The following ZNF536 variants were observed in gnomAD, a reference collection of about 807,000 sequenced individuals.
The protein encoded by ZNF536 is zinc finger protein 536.
In ZNF536, 13 loss-of-function variants were observed where a neutral mutation model predicts 84.5. The ratio of observed to expected loss-of-function variants is 0.15; its 90% confidence interval spans 0.10 to 0.24. The LOEUF is 0.24. ZNF536 is among the 10% of genes least tolerant of loss of function. The pLI is 1.00. For missense variants in ZNF536, 1,536 were observed against 1,747.5 expected, an observed-to-expected ratio of 0.88 and a Z score of 2.16; for synonymous variants, 811 against 742.5, an observed-to-expected ratio of 1.09 and a Z score of -1.50.
At chr19:30,327,865 C>T (rs2047088764) in intron 2 of ZNF536, among the ~76,000 whole-genome samples, 1 of 152,242 alleles carries the variant, frequency 6.6e-6, no homozygotes, top group East Asian at 1.9e-4. Context: ...GAGTTAGGAA[C>T]GATGATGACT....
chr19:30,575,076 T>A (rs1284469048), intron 1 of ZNF536, among the ~76,000 whole-genome samples: 1 of 152,216 alleles, frequency 6.6e-6, no homozygotes, highest in Non-Finnish European at 1.5e-5. Flanking sequence ...AGGGGATTAC[T>A]GAGTTGTCAG....
intron 3 of ZNF536, 24 bp downstream of exon 3, chr19:30,535,023 G>C (rs781337634): frequency 6.3e-7 from 1 of 1,599,182 alleles, no homozygotes; most frequent in Non-Finnish European, 8.5e-7. Flanking sequence ...GTGCATCCAG[G>C]GGCACAGCCC....
chr19:30,523,796 G>GACC (rs2044463214), intron 2 of ZNF536, among the ~76,000 whole-genome samples: 1 of 152,224 alleles, frequency 6.6e-6, no homozygotes. Context: ...CCAGGGAGAG[G>GACC]TGGTATGGCT....
chr19:30,280,584 T>A (rs1188462579), intron 1 of ZNF536, among the ~76,000 whole-genome samples: 5 of 152,146 alleles, frequency 3.3e-5, no homozygotes, highest in African/African-American at 1.2e-4. Context: ...TGGTGTGGGG[T>A]GGAGACAGGT....
chr19:30,445,580 G>T lies in ZNF536; in HGVS notation c.2018G>T (p.Gly673Val). Residue 673 changes from glycine (G) to valine (V), a missense_variant, in exon 2 of 5, where the codon GGC (glycine) becomes GTC (valine). Coordinates refer to ENST00000355537, the MANE Select transcript of ZNF536 (RefSeq NM_014717.3). The surrounding 1 kb of genome is among the most constrained non-coding windows in gnomAD (Gnocchi z 4.5). Reference sequence around the variant, plus strand: ...CACGTGGGCCTGGATGAGCGGCGTGGCTCGGGCAGTGACCAGGAGTCCCAG... The same window carrying T: ...CACGTGGGCCTGGATGAGCGGCGTGTCTCGGGCAGTGACCAGGAGTCCCAG... ...GLHVGLDERR[G>V]SGSDQESQSV... 6.2e-7 allele frequency: 1 copy of T among 1,613,080 alleles called. No homozygotes were observed. The highest frequency in any genetic ancestry group is 8.5e-7 in the Non-Finnish European group (1 of 1,179,722).
chr19:30,599,902 T>C lies in ZNF536; in HGVS notation c.169+50388T>C, dbSNP rs145562799. 3.7e-3 allele frequency among the ~76,000 whole-genome samples: 560 copies of C among 152,282 alleles called. 1 individual carries two copies. The highest frequency in any genetic ancestry group is 0.013 in the African/African-American group (529 of 41,566). ...CTGTAGAGTCCCCTCCAAAATTAAG[T>C]GACAAATCTCCAATCTGAGTTTGAT... is the stretch of plus-strand genomic sequence containing the variant. On this transcript the variant is annotated intron_variant, in intron 1 of 1. Coordinates refer to the ZNF536 transcript ENST00000592773.
chr19:30,275,910 G>A (rs1382433000), intron 1 of ZNF536, among the ~76,000 whole-genome samples: 1 of 152,032 alleles, frequency 6.6e-6, no homozygotes, highest in African/African-American at 2.4e-5. Flanking sequence ...TGGCCCAAGT[G>A]TTCCTATCTC....
chr19:30,459,354 CTTTT>C (rs1257308245), intron 2 of ZNF536, among the ~76,000 whole-genome samples: 5 of 99,434 alleles, frequency 5.0e-5, no homozygotes, highest in Non-Finnish European at 8.8e-5. Context: ...TTCTTTCTCT[CTTTT>C]TTTTTTTTTT....
intron 2 of ZNF536, among the ~76,000 whole-genome samples, chr19:30,501,940 GC>G (rs990011727): frequency 3.9e-5 from 6 of 152,228 alleles, no homozygotes. Context: ...TAGCTCAAGT[GC>G]TGGGATCCCC....
At chr19:30,551,381 C>A (rs1371704401) in intron 4 of ZNF536, among the ~76,000 whole-genome samples, 1 of 152,216 alleles carries the variant, frequency 6.6e-6, no homozygotes, top group African/African-American at 2.4e-5. Flanking sequence ...GGGAAGCCAA[C>A]GTCAGGGAGC....
chr19:30,605,302 T>C (rs1399192981), intron 1 of ZNF536, among the ~76,000 whole-genome samples: 6 of 152,072 alleles, frequency 3.9e-5, no homozygotes, highest in African/African-American at 1.2e-4. Context: ...GAGTACCCCA[T>C]ACCCAATGTG....
chr19:30,516,227 C>T (rs974243918), intron 2 of ZNF536, among the ~76,000 whole-genome samples: 1 of 152,006 alleles, frequency 6.6e-6, no homozygotes. Flanking sequence ...GGTACCTCAC[C>T]ACAAGATGCA....
chr19:30,709,979 A>G (rs1461631445), intron 1 of ZNF536, among the ~76,000 whole-genome samples: 3 of 152,150 alleles, frequency 2.0e-5, no homozygotes, highest in African/African-American at 4.8e-5. Flanking sequence ...AATGTTTAGG[A>G]AAAAAACTCA....
At chr19:30,639,491 A>G (rs2049187889) in intron 1 of ZNF536, among the ~76,000 whole-genome samples, 2 of 152,188 alleles carry the variant, frequency 1.3e-5, no homozygotes, top group Admixed American at 6.5e-5. Context: ...CAGTAGCCAC[A>G]TGGCCGTCAG....
chr19:30,385,138 G>A (rs1201729518), intron 1 of ZNF536, among the ~76,000 whole-genome samples: 1 of 152,066 alleles, frequency 6.6e-6, no homozygotes, highest in African/African-American at 2.4e-5. Context: ...CTTCCCTGCA[G>A]CAGCTGCCCC....
intron 1 of ZNF536, among the ~76,000 whole-genome samples, chr19:30,700,159 TTTC>T (rs1008432953): frequency 1.3e-4 from 19 of 147,674 alleles, no homozygotes; most frequent in Non-Finnish European, 2.8e-4. Context: ...TCTTTCCTTC[TTTC>T]TTTTCTTTCC....
intron 1 of ZNF536, among the ~76,000 whole-genome samples, chr19:30,643,238 G>C (rs1204978749): frequency 6.6e-6 from 1 of 152,142 alleles, no homozygotes; most frequent in Non-Finnish European, 1.5e-5. Context: ...GCTGAAAATT[G>C]TGCTAAAATG....
intron 1 of ZNF536, among the ~76,000 whole-genome samples, chr19:30,385,312 G>A (rs2049293241): frequency 6.6e-6 from 1 of 152,144 alleles, no homozygotes; most frequent in Non-Finnish European, 1.5e-5. Flanking sequence ...GGGTCAGTGT[G>A]GGTTGTGGTG....
intron 2 of ZNF536, among the ~76,000 whole-genome samples, chr19:30,291,960 G>A (rs534162929): frequency 7.2e-5 from 11 of 152,178 alleles, no homozygotes; most frequent in East Asian, 1.9e-4. Context: ...TGGCATGCAG[G>A]CACTCCTATT....
Sources: gnomAD v4.1 joint callset for allele counts (sites outside exome capture counted in the v4.1 genomes callset) on GRCh38, gnomAD v4.1.1 for gene constraint, Gnocchi (gnomAD v3.1) non-coding constraint, MANE v1.5 for transcripts, NCBI Gene and HGNC (gene_info 2026-07-23, HGNC 2026-07-21) for gene names.